The following DGKI variants were observed in gnomAD, a reference collection of about 807,000 sequenced individuals.
The protein encoded by DGKI is DAG kinase iota.
Under a neutral mutation model 147.5 loss-of-function variants are expected in DGKI, and 55 were observed. The observed-to-expected ratio is 0.37, with a 90% CI of 0.30 to 0.47. The LOEUF is 0.47. DGKI is among the 20% of genes least tolerant of loss of function. DGKI has a pLI of 1.00. For synonymous variants in DGKI, 469 were observed against 477.1 expected (o/e 0.98, Z 0.22); for missense variants, 1,007 against 1,323.8 (o/e 0.76, Z 3.71).
chr7:137,762,460 C>T (rs1427116683), intron 1 of DGKI, among the ~76,000 whole-genome samples: 2 of 152,230 alleles, frequency 1.3e-5, no homozygotes, highest in Non-Finnish European at 2.9e-5. Context: ...GCAGGGAACG[C>T]TAAAGTGAGA....
At chr7:137,785,647 C>T (rs1447115981) in intron 1 of DGKI, among the ~76,000 whole-genome samples, 1 of 151,900 alleles carries the variant, frequency 6.6e-6, no homozygotes, top group Non-Finnish European at 1.5e-5. Flanking sequence ...ACCCTAATAC[C>T]AAAACCAGGG....
intron 20 of DGKI, among the ~76,000 whole-genome samples, chr7:137,533,275 G>A (rs1052511773): frequency 2.0e-5 from 3 of 152,044 alleles, no homozygotes; most frequent in South Asian, 2.1e-4. Context: ...GCCACAGAGT[G>A]AGACCCTGTC....
At chr7:137,573,321 T>A (rs569223905) in intron 17 of DGKI, among the ~76,000 whole-genome samples, 1 of 152,352 alleles carries the variant, frequency 6.6e-6, no homozygotes, top group South Asian at 2.1e-4. Flanking sequence ...TTTGCAAATG[T>A]CAAATATTTT....
intron 1 of DGKI, among the ~76,000 whole-genome samples, chr7:137,703,866 C>T (rs1793912317): frequency 6.6e-6 from 1 of 152,090 alleles, no homozygotes; most frequent in African/African-American, 2.4e-5. Flanking sequence ...CACGCATACA[C>T]AGGAAATGAG....
intron 27 of DGKI, among the ~76,000 whole-genome samples, chr7:137,457,931 A>C (rs939030640): frequency 6.6e-6 from 1 of 152,184 alleles, no homozygotes; most frequent in Non-Finnish European, 1.5e-5. Flanking sequence ...ATCTAAAAAA[A>C]AAAGCAGCAA....
intron 12 of DGKI, among the ~76,000 whole-genome samples, chr7:137,593,690 A>G (rs1172093045): frequency 6.6e-6 from 1 of 152,244 alleles, no homozygotes; most frequent in South Asian, 2.1e-4. Context: ...TACAAATAGA[A>G]CATAAAATAT....
At chr7:137,651,735 C>A (rs1300425624) in intron 5 of DGKI, among the ~76,000 whole-genome samples, 1 of 151,132 alleles carries the variant, frequency 6.6e-6, no homozygotes, top group African/African-American at 2.4e-5. Context: ...GGGGAGGAAG[C>A]AATGAAAAAG....
chr7:137,396,407 G>T (rs1467782917), intron 31 of DGKI, among the ~76,000 whole-genome samples: 1 of 152,228 alleles, frequency 6.6e-6, no homozygotes, highest in Non-Finnish European at 1.5e-5. Context: ...TCACTGACAG[G>T]CTCTATAGGG....
At chr7:137,755,746 G>A (rs1795658317) in intron 1 of DGKI, among the ~76,000 whole-genome samples, 1 of 152,140 alleles carries the variant, frequency 6.6e-6, no homozygotes, top group Non-Finnish European at 1.5e-5. Flanking sequence ...GATAATGGAT[G>A]AGGAAGAGGC....
intron 1 of DGKI, among the ~76,000 whole-genome samples, chr7:137,836,355 C>A (rs753795825): frequency 1.3e-5 from 2 of 152,210 alleles, no homozygotes; most frequent in African/African-American, 2.4e-5. Context: ...CATGAACATA[C>A]TGACGAATTC....
chr7:137,764,055 G>A (rs146573162), intron 1 of DGKI, among the ~76,000 whole-genome samples: 1 of 152,274 alleles, frequency 6.6e-6, no homozygotes, highest in Non-Finnish European at 1.5e-5. Flanking sequence ...CTCCCACATG[G>A]ACTTTGATCA....
intron 1 of DGKI, among the ~76,000 whole-genome samples, chr7:137,818,363 A>G (rs1797799549): frequency 6.6e-6 from 1 of 152,202 alleles, no homozygotes; most frequent in Non-Finnish European, 1.5e-5. Flanking sequence ...AGCTTTGTGT[A>G]TCTGTACATT....
At chr7:137,656,738 C>A (rs985362035) in intron 3 of DGKI, among the ~76,000 whole-genome samples, 198 bp from the exon 4 acceptor site, 1 of 152,152 alleles carries the variant, frequency 6.6e-6, no homozygotes, top group Admixed American at 6.5e-5. Flanking sequence ...TCTGCACTCA[C>A]CAAGTAGCTC....
At chr7:137,635,859 A>T (rs1821291111) in intron 6 of DGKI, among the ~76,000 whole-genome samples, 2 of 152,214 alleles carry the variant, frequency 1.3e-5, no homozygotes. Context: ...CCACTTTGGG[A>T]GTTTGTGCTT....
In DGKI at chr7:137,465,938, A is replaced by C. The variant is rs754479897; in HGVS notation, c.2582T>G (p.Met861Arg). ...GGCTTGTTCCACCACCAGGTCAGGC[A>C]TGCCCGGAGGTGTCCCCGCCGGCTG... ...VSQPAGTPPGMPDLVVEQASG... is the reference protein window; with the variant it reads ...VSQPAGTPPGRPDLVVEQASG... Residue 861 changes from methionine to arginine, a missense_variant, in exon 26 of 33, where the codon ATG (methionine) becomes AGG (arginine). Physicochemically the swap from Met to Arg is moderately conservative, Grantham distance 91. This residue lies in a region of DGKI where 385 missense variants were observed against 445.2 expected (regional missense o/e 0.86). Coordinates refer to ENST00000614521, the MANE Select transcript of DGKI (RefSeq NM_001321708.2). The C allele has an allele frequency of 6.2e-7, 1 of 1,614,152 alleles. No homozygotes were observed. The highest frequency in any genetic ancestry group is 1.1e-5 in the South Asian group (1 of 91,086).
intron 6 of DGKI, among the ~76,000 whole-genome samples, chr7:137,632,917 A>T (rs1441886263): frequency 6.6e-6 from 1 of 151,928 alleles, no homozygotes; most frequent in Non-Finnish European, 1.5e-5. Flanking sequence ...TAAACAAAAA[A>T]AAAGCAGGAG....
At chr7:137,749,229 G>C (rs1450762800) in intron 1 of DGKI, among the ~76,000 whole-genome samples, 1 of 152,114 alleles carries the variant, frequency 6.6e-6, no homozygotes, top group Non-Finnish European at 1.5e-5. Context: ...ACCCCAAATA[G>C]CTGCTGTTTC....
At chr7:137,704,114 G>A (rs544033724) in intron 1 of DGKI, among the ~76,000 whole-genome samples, 43 of 152,308 alleles carry the variant, frequency 2.8e-4, no homozygotes, top group African/African-American at 1.0e-3. Context: ...AGGAGGCTGA[G>A]GCAGGAGAAT....
rs1172973124 is a variant in DGKI, at chr7:137,389,185, T to C, written c.*2035A>G. On this transcript the variant is annotated 3_prime_UTR_variant, in exon 33 of 33. Transcript: ENST00000614521. ...AATCCCCCAGCAAAAGCCCAGTGAT[T>C]AAATTCTCCTGGAGCATATTTTTCC... is the stretch of plus-strand genomic sequence containing the variant. 1 of 152,182 alleles carries C rather than the reference T, an allele frequency of 6.6e-6. No homozygotes were observed. The highest frequency in any genetic ancestry group is 1.5e-5 in the Non-Finnish European group (1 of 68,032). 9.4% of individuals were successfully genotyped at this position (152,182 alleles called of 1,614,324 possible). A position where few individuals can be genotyped will look rare whatever the true frequency, so the allele number is the denominator to read the frequency against.
Sources: allele counts gnomAD v4.1 joint callset (sites outside exome capture counted in the v4.1 genomes callset), GRCh38; gene constraint gnomAD v4.1.1; regional missense constraint gnomAD v4.1.1; transcripts MANE v1.5; gene names NCBI Gene and HGNC (gene_info 2026-07-23, HGNC 2026-07-21).